NAA40: variants seen among roughly 807,000 people sequenced by gnomAD.
NAA40 encodes N-alpha-acetyltransferase 40.
NAA40 carries 26 observed loss-of-function variants against 36.6 expected under a neutral mutation model. The ratio of observed to expected loss-of-function variants is 0.71; its 90% CI spans 0.52 to 0.98. NAA40 has a LOEUF of 0.98. NAA40 is among the 50% of genes least tolerant of loss of function. NAA40 has a pLI of 0.00. For missense variants in NAA40, 237 were observed against 306.5 expected, an observed-to-expected ratio of 0.77 and a Z score of 1.69; for synonymous variants, 129 against 108.4, an observed-to-expected ratio of 1.19 and a Z score of -1.18.
At chr11:63,948,841 C>T (rs1942229667) in intron 3 of NAA40, among the ~76,000 whole-genome samples, 1 of 151,974 alleles carries the variant, frequency 6.6e-6, no homozygotes, top group Admixed American at 6.6e-5. Context: ...CCCAGCTGAC[C>T]CTGAACAAAT....
intron 1 of NAA40, among the ~76,000 whole-genome samples, chr11:63,944,764 A>G (rs987340304): frequency 3.3e-5 from 5 of 151,950 alleles, no homozygotes; most frequent in African/African-American, 7.3e-5. Flanking sequence ...TCAGCTGGAC[A>G]TGGTGGTGCG....
At chr11:63,947,284 G>T (rs561018529) in intron 3 of NAA40, among the ~76,000 whole-genome samples, 1 of 152,072 alleles carries the variant, frequency 6.6e-6, no homozygotes, top group African/African-American at 2.4e-5. Context: ...GCGATCGCCT[G>T]TAATCCCAGC....
At chr11:63,943,646 T>A (rs7936540) in intron 1 of NAA40, among the ~76,000 whole-genome samples, 2,904 of 152,128 alleles carry the variant, frequency 0.019, 87 homozygotes, top group African/African-American at 0.067. Flanking sequence ...AAGTGATAGT[T>A]TCTGCCCTGA....
rs138157923 is a variant in NAA40, at chr11:63,942,549, C to G, written c.7-3291C>G. ...GTCTTTTGATTCAAAATCCCGCACT[C>G]TCTTTTTTTGTACAAAGCTCCCTTG... On this transcript the variant is annotated intron_variant, in intron 1 of 7. Transcript: ENST00000377793. Among the ~76,000 whole-genome samples, 184 of 152,298 alleles carry G rather than the reference C, an allele frequency of 1.2e-3. 3 individuals are homozygous for G. Among genetic ancestry groups the G allele is most frequent in the African/African-American group, 3.5e-3 (145 of 41,558 alleles).
At position 63,950,373 on chromosome 11, in the gene NAA40, C is replaced by CCTCCCG. The variant is rs940156857; in HGVS notation, c.156-1864_156-1859dup. Among the ~76,000 whole-genome samples the CCTCCCG allele has an allele frequency of 1.4e-4, 21 of 152,270 alleles. 3 individuals are homozygous for CCTCCCG. The highest frequency in any genetic ancestry group is 1.2e-3 in the Admixed American group (19 of 15,296). On this transcript the variant is annotated intron_variant, in intron 3 of 7. Coordinates refer to ENST00000377793, the MANE Select transcript of NAA40 (RefSeq NM_024771.4). ...ACCTCAGGTGATCCACCTGCCTCAA[C>CCTCCCG]CTCCCGAAGTGCTGAGATTGTAGGC...
At position 63,956,311 on chromosome 11, in the gene NAA40, G is replaced by A. The variant is rs1171969166; in HGVS notation, c.*1832G>A. On this transcript the variant is annotated 3_prime_UTR_variant, in exon 8 of 8. Transcript: ENST00000377793. ...CAGGAGCATGTTTAGGAAGAGATTT[G>A]TCTCTGGTCCCTGTCTCTGAAAGGA... 1 of 152,612 alleles carries A rather than the reference G, an allele frequency of 6.6e-6. No individual in the cohort carries two copies. The highest frequency in any genetic ancestry group is 1.5e-5 in the Non-Finnish European group (1 of 68,038). 9.5% of individuals were successfully genotyped at this position (152,612 alleles called of 1,614,324 possible).
chr11:63,940,015 C>T (rs1174912897), intron 1 of NAA40, among the ~76,000 whole-genome samples: 2 of 148,304 alleles, frequency 1.3e-5, no homozygotes, highest in Admixed American at 1.3e-4. Flanking sequence ...AAAAAGATAA[C>T]GCTTTTCCTA....
At chr11:63,941,523 C>T (rs1003774815) in intron 1 of NAA40, among the ~76,000 whole-genome samples, 1 of 151,986 alleles carries the variant, frequency 6.6e-6, no homozygotes, top group Non-Finnish European at 1.5e-5. Context: ...AAAAGTGGCT[C>T]CTCCTCCCAT....
rs930456865 is a variant in NAA40, at chr11:63,952,295, T to C, written c.213T>C (p.Asp71=). The change falls in exon 4 of 8, where the codon GAT becomes GAC. Residue 71 remains aspartate (D), a synonymous_variant. Coordinates refer to ENST00000377793, the MANE Select transcript of NAA40 (RefSeq NM_024771.4). ...CTGGACTGGAGCCAGCCACCGTGGATTGGGCCTTCGACCTGACCAAAACGA... is the reference window on the plus strand; with the variant it reads ...CTGGACTGGAGCCAGCCACCGTGGACTGGGCCTTCGACCTGACCAAAACGA... ...RVSGLEPATV[D]WAFDLTKTNM... is the part of the protein sequence containing the mutation. The C allele has an allele frequency of 2.5e-6, 4 of 1,613,812 alleles. No homozygotes were observed. Among genetic ancestry groups the C allele is most frequent in the African/African-American group, 2.7e-5 (2 of 74,912 alleles).
At chr11:63,943,022 C>G (rs1042744926) in intron 1 of NAA40, among the ~76,000 whole-genome samples, 3 of 152,190 alleles carry the variant, frequency 2.0e-5, no homozygotes, top group African/African-American at 4.8e-5. Context: ...CCCTCCAGCA[C>G]CTTTGATCCC....
At chr11:63,950,102 GC>G (rs1942254021) in intron 3 of NAA40, among the ~76,000 whole-genome samples, 1 of 143,418 alleles carries the variant, frequency 7.0e-6, no homozygotes, top group Non-Finnish European at 1.5e-5. Context: ...GTAAGTAGCA[GC>G]TGGTATGAGG....
chr11:63,942,619 A>T (rs987787458), intron 1 of NAA40, among the ~76,000 whole-genome samples: 1 of 152,182 alleles, frequency 6.6e-6, no homozygotes, highest in Non-Finnish European at 1.5e-5. Context: ...CACTGTGCTT[A>T]TTATCCATTT....
intron 3 of NAA40, among the ~76,000 whole-genome samples, chr11:63,949,938 G>T (rs951908453): frequency 5.9e-5 from 9 of 151,546 alleles, no homozygotes; most frequent in Non-Finnish European, 1.2e-4. Context: ...TAGAGATGGG[G>T]TTTCACCGTG....
chr11:63,954,257 G>A, intron 7 of NAA40, 81 bp from the exon 8 acceptor site: 2 of 1,516,274 alleles, frequency 1.3e-6, no homozygotes, highest in Non-Finnish European at 1.8e-6. Flanking sequence ...TCATCAGTGT[G>A]GCTGGTAGAA....
intron 1 of NAA40, among the ~76,000 whole-genome samples, chr11:63,945,346 A>C (rs1217566072): frequency 6.6e-6 from 1 of 152,182 alleles, no homozygotes; most frequent in Non-Finnish European, 1.5e-5. Context: ...CGGCTCCCAC[A>C]GGAGCTGTGG....
At chr11:63,948,922 G>A (rs905452021) in intron 3 of NAA40, among the ~76,000 whole-genome samples, 1 of 152,104 alleles carries the variant, frequency 6.6e-6, no homozygotes, top group African/African-American at 2.4e-5. Flanking sequence ...GCTCATACCT[G>A]TAATCCCAGC....
intron 1 of NAA40, among the ~76,000 whole-genome samples, chr11:63,941,024 C>T (rs1412386576): frequency 6.6e-6 from 1 of 152,146 alleles, no homozygotes; most frequent in Non-Finnish European, 1.5e-5. Context: ...GTTGGTTGGA[C>T]TGAAATAGCA....
chr11:63,951,790 G>C (rs1429886720), intron 3 of NAA40, among the ~76,000 whole-genome samples: 2 of 152,180 alleles, frequency 1.3e-5, no homozygotes, highest in Non-Finnish European at 2.9e-5. Flanking sequence ...TGGTAGATAA[G>C]AGGAATGGGG....
At chr11:63,940,636 T>C (rs1196987476) in intron 1 of NAA40, among the ~76,000 whole-genome samples, 1 of 152,234 alleles carries the variant, frequency 6.6e-6, no homozygotes, top group Non-Finnish European at 1.5e-5. Flanking sequence ...TTTACTGATC[T>C]AAAATGGATT....
Sources: allele counts gnomAD v4.1 joint callset (sites outside exome capture counted in the v4.1 genomes callset), GRCh38; gene constraint gnomAD v4.1.1; transcripts MANE v1.5; gene names NCBI Gene and HGNC (gene_info 2026-07-23, HGNC 2026-07-21).